Variants in ANKFY1 observed in about 807,000 individuals in gnomAD.
The protein encoded by ANKFY1 is ankyrin repeat and FYVE domain-containing protein 1.
A neutral mutation model predicts 128.3 loss-of-function variants in ANKFY1; 47 were observed. The observed-to-expected ratio is 0.37, with a 90% CI of 0.29 to 0.47. The LOEUF (loss-of-function observed/expected upper bound fraction) is 0.47. Ranked by LOEUF, ANKFY1 falls within the 20% of genes least tolerant of loss-of-function variation. The pLI is 1.00. For synonymous variants in ANKFY1, 553 were observed against 601.6 expected (o/e 0.92, Z 1.18); for missense variants, 1,222 against 1,510.6 (o/e 0.81, Z 3.17).
chr17:4,221,614 C>T (rs1471178157), intron 3 of ANKFY1, among the ~76,000 whole-genome samples: 3 of 151,922 alleles, frequency 2.0e-5, no homozygotes, highest in Admixed American at 6.6e-5. Context: ...TCTGAGTTTC[C>T]AACTGTTTTT....
chr17:4,197,367 G>A lies in ANKFY1; in HGVS notation c.1103+6C>T. 1 of 1,613,888 alleles carries A rather than the reference G, an allele frequency of 6.2e-7. No homozygotes were observed. Among genetic ancestry groups the A allele is most frequent in the South Asian group, 1.1e-5 (1 of 91,072 alleles). ...CTAAGGGCACAGTGTCTGCTCCCCAGCTTACCTCCCCTTGCTGTCCTGCAT... is the reference window on the plus strand; with the variant it reads ...CTAAGGGCACAGTGTCTGCTCCCCAACTTACCTCCCCTTGCTGTCCTGCAT... On this transcript the variant is annotated splice_donor_region_variant and intron_variant, in intron 8 of 24. Coordinates refer to ENST00000341657, the MANE Select transcript of ANKFY1 (RefSeq NM_001330063.2).
chr17:4,241,905 T>C (rs1459575440), intron 2 of ANKFY1, among the ~76,000 whole-genome samples: 2 of 151,544 alleles, frequency 1.3e-5, no homozygotes, highest in East Asian at 4.0e-4. Flanking sequence ...CTGGCTAACA[T>C]GTTGAAACCC....
intron 10 of ANKFY1, chr17:4,194,522 G>A (rs1181494270): frequency 8.8e-6 from 1 of 113,516 alleles, no homozygotes; most frequent in Non-Finnish European, 1.7e-5. Flanking sequence ...CATGTTTTAT[G>A]CATTGCCAGT....
Position 4,169,233 on chromosome 17 carries a change from A to G in ANKFY1, c.3342T>C (p.Thr1114=), listed in dbSNP as rs1214318851. 1 of 1,553,036 alleles carries G rather than the reference A, an allele frequency of 6.4e-7. No individual in the cohort carries two copies. Among genetic ancestry groups the G allele is most frequent in the Admixed American group, 2.0e-5 (1 of 51,242 alleles). ...WCDGSYCYEC[T]ARFGVTTRKH... is the part of the protein sequence containing the mutation. Reference sequence around the variant, plus strand: ...TGCGAGTGGTGACTCCGAACCTGGCAGTGCACTCATAGCAGTAGGAGCCGT... The same window carrying G: ...TGCGAGTGGTGACTCCGAACCTGGCGGTGCACTCATAGCAGTAGGAGCCGT... Residue 1114 remains threonine, a synonymous_variant, in exon 24 of 25, where the codon ACT becomes ACC. Coordinates refer to ENST00000341657, the MANE Select transcript of ANKFY1 (RefSeq NM_001330063.2). This position sits in a 1 kb window ranked among gnomAD's most constrained non-coding sequence, Gnocchi z 5.0.
rs78986866 is a variant in ANKFY1, at chr17:4,175,530, C to G, written c.2776-1474G>C. On this transcript the variant is annotated intron_variant, in intron 19 of 24. Coordinates refer to ENST00000341657, the MANE Select transcript of ANKFY1 (RefSeq NM_001330063.2). The stretch of plus-strand genomic sequence containing the variant: ...TCTGTAGTCAGAACCCAATTTGCTG[C>G]TGCTGAGGTGTATGGCCACCCCTGG... Among the ~76,000 whole-genome samples the G allele has an allele frequency of 5.2e-3, 787 of 152,252 alleles. 6 individuals are homozygous for G. Among genetic ancestry groups the G allele is most frequent in the African/African-American group, 0.018 (767 of 41,540 alleles).
intron 16 of ANKFY1, 129 bp from the exon 17 acceptor site, chr17:4,180,006 T>TGGTCCCTGGCCTC: frequency 8.4e-7 from 1 of 1,194,820 alleles, no homozygotes; most frequent in Non-Finnish European, 1.2e-6. Flanking sequence ...CTGCTGTCCT[T>TGGTCCCTGGCCTC]GGTCCCTGGC....
At chr17:4,259,580 C>A (rs779061926) in intron 1 of ANKFY1, among the ~76,000 whole-genome samples, 3 of 152,174 alleles carry the variant, frequency 2.0e-5, no homozygotes, top group Non-Finnish European at 4.4e-5. Flanking sequence ...CCGTGCCCGG[C>A]CTTAAACATT....
intron 6 of ANKFY1, 21 bp downstream of exon 6, chr17:4,207,912 T>G (rs373164721): frequency 5.2e-6 from 8 of 1,550,934 alleles, no homozygotes; most frequent in Non-Finnish European, 5.2e-6. Flanking sequence ...AAATGAAGAA[T>G]GGAAAAGGCA....
In ANKFY1 at chr17:4,174,165, C is replaced by G. The variant is rs2059373249; in HGVS notation, c.2776-109G>C. On this transcript the variant is annotated intron_variant, in intron 19 of 24. Coordinates refer to ENST00000341657, the MANE Select transcript of ANKFY1 (RefSeq NM_001330063.2). Reference sequence around the variant, plus strand: ...GACACCCACAGAGGCTGATGGCCTGCCCTGCTGACAGAGCTGGGAGCATAG... The same window carrying G: ...GACACCCACAGAGGCTGATGGCCTGGCCTGCTGACAGAGCTGGGAGCATAG... The G allele has an allele frequency of 2.3e-6, 3 of 1,303,212 alleles. No homozygotes were observed. In the South Asian group the frequency reaches 4.2e-5, roughly 18 times the overall value. 80.7% of individuals were successfully genotyped at this position (1,303,212 alleles called of 1,614,324 possible). A position where few individuals can be genotyped will look rare whatever the true frequency, so the allele number is the denominator to read the frequency against.
chr17:4,241,144 G>C (rs908490496), intron 2 of ANKFY1, among the ~76,000 whole-genome samples: 5 of 152,098 alleles, frequency 3.3e-5, no homozygotes, highest in Non-Finnish European at 7.3e-5. Flanking sequence ...CTATTGATTT[G>C]ATCCTCACAA....
chr17:4,223,025 A>G lies in ANKFY1; in HGVS notation c.323-5907T>C, dbSNP rs551849472. On this transcript the variant is annotated intron_variant, in intron 3 of 24. Coordinates refer to ENST00000341657, the MANE Select transcript of ANKFY1 (RefSeq NM_001330063.2). ...CAATATCCAGGGACAGGATAACTCT[A>G]ATAAAAGATGTACTCCAAGAAGGTA... 2.1e-3 allele frequency: 1,614 copies of G among 780,456 alleles called. 2 individuals carry two copies. Among genetic ancestry groups the G allele is most frequent in the Non-Finnish European group, 3.2e-3 (1,409 of 436,770 alleles). The allele number at this position is 780,456 out of a possible 1,614,324, so 48.3% of individuals were successfully genotyped here.
intron 1 of ANKFY1, among the ~76,000 whole-genome samples, chr17:4,262,111 A>T (rs535930201): frequency 8.1e-4 from 123 of 152,342 alleles, no homozygotes; most frequent in South Asian, 5.6e-3. Context: ...GGATTGCTTG[A>T]GCCCAAGAGT....
intron 1 of ANKFY1, among the ~76,000 whole-genome samples, chr17:4,256,548 G>T (rs1968138830): frequency 6.6e-6 from 1 of 152,118 alleles, no homozygotes; most frequent in Admixed American, 6.6e-5. Context: ...AGCATCCGGG[G>T]GATTTGGTGA....
chr17:4,194,458 C>CTCT (rs2059780396), intron 10 of ANKFY1: 1 of 101,938 alleles, frequency 9.8e-6, no homozygotes, highest in Non-Finnish European at 1.9e-5. Flanking sequence ...TAATATCCAT[C>CTCT]TTTTTTTTTT....
intron 11 of ANKFY1, chr17:4,187,250 A>G: frequency 5.0e-6 from 2 of 399,110 alleles, no homozygotes; most frequent in Non-Finnish European, 8.8e-6. Flanking sequence ...AGCCTCAAGC[A>G]TGCGTGTCAC....
chr17:4,219,335 G>A (rs916686347), intron 3 of ANKFY1, among the ~76,000 whole-genome samples: 26 of 152,234 alleles, frequency 1.7e-4, no homozygotes, highest in Middle Eastern at 3.4e-3. Context: ...GTGTTGTCCT[G>A]GGCCAGGAGA....
chr17:4,186,342 GTGA>G (rs2059611623), intron 11 of ANKFY1: 1 of 152,898 alleles, frequency 6.5e-6, no homozygotes, highest in South Asian at 2.1e-4. Flanking sequence ...ATCCCTGGCG[GTGA>G]TGTTTACAAC....
Position 4,208,082 on chromosome 17 carries a change from C to T in ANKFY1, c.583G>A (p.Asp195Asn). 1 of 1,600,974 alleles carries T rather than the reference C, an allele frequency of 6.2e-7. No homozygotes were observed. Among genetic ancestry groups the T allele is most frequent in the Non-Finnish European group, 8.5e-7 (1 of 1,174,992 alleles). Residue 195 changes from aspartate (D) to asparagine (N), a missense_variant and splice_region_variant, in exon 6 of 25, where the codon GAC becomes AAC. Transcript: ENST00000341657. ...YCAEIIASHWDDLRKEDFSSM... is the reference protein window; with the variant it reads ...YCAEIIASHWNDLRKEDFSSM... ...CTGAAATCCTCCTTCCTCAGGTCGT[C>T]CTGAGAATTCACAACACAGTGAAAA...
At position 4,181,505 on chromosome 17, in the gene ANKFY1, C is replaced by G. The variant is rs1216235823; in HGVS notation, c.2122-133G>C. 1.5e-6 allele frequency: 1 copy of G among 670,688 alleles called. No individual in the cohort carries two copies. Among genetic ancestry groups the G allele is most frequent in the Non-Finnish European group, 2.6e-6 (1 of 381,218 alleles). The allele number at this position is 670,688 out of a possible 1,614,324, so 41.5% of individuals were successfully genotyped here. ...ACGGTTGATAATAAATTGATAATTA[C>G]TTTAATCTGTATCACTCATTATTTT... On this transcript the variant is annotated intron_variant, in intron 15 of 24. Coordinates refer to ENST00000341657, the MANE Select transcript of ANKFY1 (RefSeq NM_001330063.2). The surrounding 1 kb of genome is among the most constrained non-coding windows in gnomAD (Gnocchi z 4.9).
Sources: allele counts gnomAD v4.1 joint callset (sites outside exome capture counted in the v4.1 genomes callset), GRCh38; gene constraint gnomAD v4.1.1; non-coding constraint Gnocchi (gnomAD v3.1); transcripts MANE v1.5; gene names NCBI Gene and HGNC (gene_info 2026-07-23, HGNC 2026-07-21).